PIK3C2G: variants seen among roughly 807,000 people sequenced by gnomAD.
PIK3C2G encodes the protein phosphatidylinositol 3-kinase C2 domain-containing subunit gamma.
Under a neutral mutation model 181.1 loss-of-function variants are expected in PIK3C2G, and 168 were observed. That is an observed-to-expected ratio of 0.93 (90% CI 0.82 to 1.05). The LOEUF (loss-of-function observed/expected upper bound fraction) is 1.05. PIK3C2G is among the 50% of genes least tolerant of loss of function. The pLI is 0.00. For synonymous variants in PIK3C2G, 573 were observed against 592.2 expected (o/e 0.97, Z 0.47); for missense variants, 1,869 against 1,732.8 (o/e 1.08, Z -1.40).
chr12:18,460,623 C>CATATATATAT (rs144060852), intron 18 of PIK3C2G, among the ~76,000 whole-genome samples: 3,968 of 135,870 alleles, frequency 0.029, 68 homozygotes, highest in African/African-American at 0.037. Context: ...ACATCATATT[C>CATATATATAT]ATATATATAT....
intron 31 of PIK3C2G, among the ~76,000 whole-genome samples, chr12:18,634,581 C>A (rs1444438361): frequency 6.6e-6 from 1 of 152,184 alleles, no homozygotes; most frequent in Admixed American, 6.5e-5. Context: ...ATGATGCCAT[C>A]TCAGGAACTG....
intron 18 of PIK3C2G, among the ~76,000 whole-genome samples, chr12:18,471,222 T>C (rs1052345604): frequency 2.0e-5 from 3 of 152,140 alleles, no homozygotes; most frequent in Non-Finnish European, 4.4e-5. Context: ...ACCAGTTGCC[T>C]TACCTCAGAC....
intron 24 of PIK3C2G, among the ~76,000 whole-genome samples, chr12:18,518,810 T>C (rs979579210): frequency 6.6e-6 from 1 of 152,208 alleles, no homozygotes; most frequent in Non-Finnish European, 1.5e-5. Flanking sequence ...GCACTTTTAA[T>C]TTAATTGTGA....
intron 18 of PIK3C2G, 53 bp downstream of exon 18, chr12:18,424,092 T>C (rs1372280651): frequency 9.9e-7 from 1 of 1,008,512 alleles, no homozygotes; most frequent in Non-Finnish European, 1.6e-6. Flanking sequence ...ACCTTCTCTA[T>C]GGGGCAGCTT....
chr12:18,440,340 A>T (rs1946675126), intron 18 of PIK3C2G, among the ~76,000 whole-genome samples: 1 of 152,156 alleles, frequency 6.6e-6, no homozygotes, highest in African/African-American at 2.4e-5. Context: ...AATGAATAAA[A>T]GAGACAAAAA....
At chr12:18,480,477 G>A (rs1373776269) in intron 18 of PIK3C2G, among the ~76,000 whole-genome samples, 1 of 152,134 alleles carries the variant, frequency 6.6e-6, no homozygotes, top group Admixed American at 6.6e-5. Context: ...ATATGAGTAG[G>A]CTGGAAGGAG....
chr12:18,402,073 G>A (rs1015184664), intron 16 of PIK3C2G, among the ~76,000 whole-genome samples: 6 of 151,988 alleles, frequency 3.9e-5, no homozygotes, highest in Admixed American at 6.6e-5. Context: ...ACTCATGCAC[G>A]CATGTTTGTA....
chr12:18,314,447 A>G (rs968914202), intron 6 of PIK3C2G: 9 of 158,590 alleles, frequency 5.7e-5, no homozygotes, highest in Non-Finnish European at 1.1e-4. Flanking sequence ...AAGTGTTTAG[A>G]GCGTTCTCTC....
intron 8 of PIK3C2G, among the ~76,000 whole-genome samples, chr12:18,335,098 G>A (rs1051207771): frequency 2.0e-5 from 3 of 152,088 alleles, no homozygotes; most frequent in African/African-American, 7.2e-5. Context: ...GCTGAGTAGA[G>A]AGAGGCTTCA....
intron 29 of PIK3C2G, among the ~76,000 whole-genome samples, chr12:18,570,835 G>C (rs962065836): frequency 6.6e-6 from 1 of 150,678 alleles, no homozygotes; most frequent in East Asian, 1.9e-4. Context: ...GATCTGGATC[G>C]ACCACATCAA....
intron 5 of PIK3C2G, among the ~76,000 whole-genome samples, chr12:18,307,208 T>C (rs1054588351): frequency 8.2e-5 from 5 of 60,976 alleles, no homozygotes; most frequent in African/African-American, 3.6e-4. Flanking sequence ...GAATAGGAAA[T>C]AAGGGTAATT....
At chr12:18,488,146 G>A (rs1940232880) in intron 18 of PIK3C2G, among the ~76,000 whole-genome samples, 1 of 152,102 alleles carries the variant, frequency 6.6e-6, no homozygotes, top group Non-Finnish European at 1.5e-5. Context: ...GAAGTCAAAA[G>A]CATGTTCTTG....
chr12:18,537,474 C>T (rs2136237613), intron 24 of PIK3C2G, among the ~76,000 whole-genome samples: 1 of 151,812 alleles, frequency 6.6e-6, no homozygotes, highest in South Asian at 2.1e-4. Context: ...GATAAAAAAA[C>T]TGACAAAGGT....
At chr12:18,477,650 G>A (rs1444169965) in intron 18 of PIK3C2G, among the ~76,000 whole-genome samples, 3 of 152,272 alleles carry the variant, frequency 2.0e-5, no homozygotes, top group African/African-American at 4.8e-5. Context: ...GACAACGAAC[G>A]AGAATGCTGC....
chr12:18,348,882 A>G (rs1364652641), intron 11 of PIK3C2G, among the ~76,000 whole-genome samples: 4 of 152,150 alleles, frequency 2.6e-5, no homozygotes, highest in African/African-American at 9.7e-5. Flanking sequence ...GTTGCAGTCA[A>G]ACTGTTGACT....
chr12:18,487,327 A>G (rs1940152566), intron 18 of PIK3C2G, among the ~76,000 whole-genome samples: 1 of 152,170 alleles, frequency 6.6e-6, no homozygotes, highest in Admixed American at 6.5e-5. Flanking sequence ...AACATTGAAT[A>G]AAAATAATTT....
At chr12:18,327,769 G>T (rs1226303654) in intron 8 of PIK3C2G, among the ~76,000 whole-genome samples, 2 of 151,878 alleles carry the variant, frequency 1.3e-5, no homozygotes, top group Non-Finnish European at 2.9e-5. Flanking sequence ...CCCCCCCAAG[G>T]TATCACTGAA....
chr12:18,615,631 T>C (rs776945060), intron 31 of PIK3C2G, among the ~76,000 whole-genome samples: 1 of 151,976 alleles, frequency 6.6e-6, no homozygotes, highest in Non-Finnish European at 1.5e-5. Flanking sequence ...CTACTTTTTT[T>C]CTATATTTCA....
chr12:18,699,330 T>G, the PIK3C2G span, among the ~76,000 whole-genome samples: 3 of 152,178 alleles, frequency 2.0e-5, no homozygotes, highest in South Asian at 6.2e-4. Flanking sequence ...CCAGAAATCT[T>G]TATTACCGCC....
Sources: allele counts gnomAD v4.1 joint callset (sites outside exome capture counted in the v4.1 genomes callset), GRCh38; gene constraint gnomAD v4.1.1; transcripts MANE v1.5; gene names NCBI Gene and HGNC (gene_info 2026-07-23, HGNC 2026-07-21).